KAT6B: variants seen among roughly 807,000 people sequenced by gnomAD.
KAT6B encodes lysine acetyltransferase 6B.
A neutral mutation model predicts 187.5 loss-of-function variants in KAT6B; 10 were observed. The observed-to-expected ratio is 0.05, with a 90% CI of 0.03 to 0.09. The LOEUF (loss-of-function observed/expected upper bound fraction) is 0.09. Ranked by LOEUF, KAT6B falls within the 10% of genes least tolerant of loss-of-function variation. The pLI is 1.00. For synonymous variants in KAT6B, 861 were observed against 926.8 expected (o/e 0.93, Z 1.29); for missense variants, 1,952 against 2,558.9 (o/e 0.76, Z 5.12).
At chr10:74,877,093 G>A (rs935797629) in intron 3 of KAT6B, among the ~76,000 whole-genome samples, 3 of 151,864 alleles carry the variant, frequency 2.0e-5, no homozygotes, top group African/African-American at 7.2e-5. Flanking sequence ...AGCCTTCCCA[G>A]TAGCTGGGAT....
intron 3 of KAT6B, among the ~76,000 whole-genome samples, chr10:74,873,695 AG>A (rs1414287884): frequency 6.6e-6 from 1 of 152,130 alleles, no homozygotes; most frequent in East Asian, 1.9e-4. Context: ...AAGAGATTTT[AG>A]GGGAGAGAGA....
chr10:75,018,084 C>T (rs375576186), intron 13 of KAT6B, among the ~76,000 whole-genome samples: 7 of 152,172 alleles, frequency 4.6e-5, no homozygotes, highest in African/African-American at 9.7e-5. Flanking sequence ...TGTCGGTGCA[C>T]GTCATCCCTG....
chr10:74,904,300 G>A (rs994554581), intron 3 of KAT6B, among the ~76,000 whole-genome samples: 3 of 152,154 alleles, frequency 2.0e-5, no homozygotes, highest in Non-Finnish European at 2.9e-5. Flanking sequence ...GGACTCACCA[G>A]GCTGAAATCA....
intron 1 of KAT6B, among the ~76,000 whole-genome samples, chr10:74,829,186 T>TA (rs1840539325): frequency 6.6e-6 from 1 of 152,210 alleles, no homozygotes; most frequent in Admixed American, 6.5e-5. Flanking sequence ...AGCATGTGTT[T>TA]ATTTCACACA....
At chr10:75,017,464 C>T (rs1016838332) in intron 13 of KAT6B, among the ~76,000 whole-genome samples, 2 of 152,076 alleles carry the variant, frequency 1.3e-5, no homozygotes, top group Non-Finnish European at 2.9e-5. Flanking sequence ...AAATGCAAAT[C>T]TTAGCCAGGC....
chr10:75,028,207 T>C (rs1488720148), intron 17 of KAT6B, among the ~76,000 whole-genome samples: 1 of 152,236 alleles, frequency 6.6e-6, no homozygotes, highest in African/African-American at 2.4e-5. Flanking sequence ...TCTGGGCTTT[T>C]GCATCAGAGA....
At chr10:74,837,896 G>A (rs543203647) in intron 1 of KAT6B, among the ~76,000 whole-genome samples, 1 of 149,112 alleles carries the variant, frequency 6.7e-6, no homozygotes, top group African/African-American at 2.5e-5. Flanking sequence ...GCAAAGAGCT[G>A]CTGAGTTACA....
In KAT6B at chr10:74,916,030, G is replaced by A. The variant is rs957652046; in HGVS notation, c.622-43940G>A. On this transcript the variant is annotated intron_variant, in intron 3 of 17. Transcript: ENST00000287239. ...ATACAAAAATTAGCCGGTCGTGGTG[G>A]TGTGCACCTGCAATCCCAGCTACTC... Among the ~76,000 whole-genome samples the A allele has an allele frequency of 3.8e-4, 58 of 152,190 alleles. 1 individual carries two copies. Among genetic ancestry groups the A allele is most frequent in the Non-Finnish European group, 7.3e-5 (5 of 68,042 alleles).
intron 3 of KAT6B, among the ~76,000 whole-genome samples, chr10:74,880,668 T>C (rs1310587654): frequency 6.6e-6 from 1 of 152,232 alleles, no homozygotes; most frequent in Non-Finnish European, 1.5e-5. Context: ...TGGGCTGAAG[T>C]GCAGTGGCGC....
At chr10:74,977,112 T>C in intron 8 of KAT6B, 2 of 479,894 alleles carry the variant, frequency 4.2e-6, no homozygotes, top group Non-Finnish European at 7.6e-6. Flanking sequence ...ATGACAGTGA[T>C]AAATTCAAAT....
chr10:74,922,849 A>AT (rs986564756), intron 3 of KAT6B, among the ~76,000 whole-genome samples: 12 of 151,488 alleles, frequency 7.9e-5, no homozygotes, highest in African/African-American at 1.9e-4. Flanking sequence ...CTGTAGTCAT[A>AT]TTTTTTTTTA....
chr10:74,944,602 G>C (rs952431193), intron 3 of KAT6B, among the ~76,000 whole-genome samples: 1 of 152,114 alleles, frequency 6.6e-6, no homozygotes, highest in African/African-American at 2.4e-5. Flanking sequence ...GAGGTCAAGA[G>C]ATCGAGACCA....
chr10:74,971,170 C>T (rs372775940), intron 6 of KAT6B, among the ~76,000 whole-genome samples: 5 of 152,104 alleles, frequency 3.3e-5, no homozygotes, highest in African/African-American at 1.2e-4. Context: ...TATAAATGAA[C>T]TCTAATTTAT....
chr10:74,977,718 A>C (rs1214417701), intron 9 of KAT6B, among the ~76,000 whole-genome samples: 3 of 152,242 alleles, frequency 2.0e-5, no homozygotes, highest in Non-Finnish European at 4.4e-5. Context: ...GGTGTGAAGG[A>C]ATAGATTTCT....
chr10:74,830,890 C>A (rs190032513), intron 1 of KAT6B, among the ~76,000 whole-genome samples: 1 of 141,664 alleles, frequency 7.1e-6, no homozygotes, highest in Admixed American at 7.3e-5. Flanking sequence ...TGGGTTCAAG[C>A]GATTCTCCTG....
At chr10:74,906,214 A>C (rs1589593221) in intron 3 of KAT6B, among the ~76,000 whole-genome samples, 1 of 152,296 alleles carries the variant, frequency 6.6e-6, no homozygotes, top group African/African-American at 2.4e-5. Context: ...AGCCTGACCA[A>C]CATGGTAAAA....
intron 3 of KAT6B, among the ~76,000 whole-genome samples, chr10:74,912,836 G>A (rs368196753): frequency 2.0e-5 from 3 of 152,104 alleles, no homozygotes; most frequent in Non-Finnish European, 2.9e-5. Context: ...CCTGGTGTCC[G>A]TGTCCCTGTG....
intron 1 of KAT6B, among the ~76,000 whole-genome samples, chr10:74,827,829 A>AT (rs1050433501): frequency 3.9e-5 from 6 of 152,058 alleles, no homozygotes; most frequent in African/African-American, 1.5e-4. Context: ...TGTATTTATT[A>AT]TTTTTTATAA....
intron 16 of KAT6B, chr10:75,023,499 G>C (rs1227652756): frequency 6.6e-6 from 1 of 152,184 alleles, no homozygotes; most frequent in Non-Finnish European, 1.5e-5. Context: ...TCAAAAACCA[G>C]AATCATCCAA....
Sources: gnomAD v4.1 joint callset for allele counts (sites outside exome capture counted in the v4.1 genomes callset) on GRCh38, gnomAD v4.1.1 for gene constraint, MANE v1.5 for transcripts, NCBI Gene and HGNC (gene_info 2026-07-23, HGNC 2026-07-21) for gene names.